PRKDC: variants seen among roughly 807,000 people sequenced by gnomAD.
The protein encoded by PRKDC is protein kinase, DNA-activated, catalytic subunit.
In PRKDC, 82 loss-of-function variants were observed where a neutral mutation model predicts 486.9. The observed-to-expected ratio is 0.17, with a 90% confidence interval of 0.14 to 0.20. PRKDC has a LOEUF of 0.20. Among genes scored for constraint, PRKDC ranks in the 10% least tolerant of loss-of-function variants. The pLI is 1.00. For missense variants in PRKDC, 4,504 were observed against 5,038.2 expected (o/e 0.89, Z 3.21); for synonymous variants, 1,895 against 1,837.0 (o/e 1.03, Z -0.81).
In PRKDC at chr8:47,927,201, G is replaced by A. The variant is rs773679589; in HGVS notation, c.2412C>T (p.Ala804=). The part of the protein sequence containing the change: ...PCLDGYLKTS[A]LSDETKNNWE... The stretch of plus-strand genomic sequence containing the variant: ...AATTCTTCTAAACATTACCTGACAA[G>A]GCTGAAGTCTTCAGGTATCCATCCA... Residue 804 remains alanine (A), a synonymous_variant, in exon 21 of 86, where the codon GCC becomes GCT. Coordinates refer to ENST00000314191, the MANE Select transcript of PRKDC (RefSeq NM_006904.7). 2 of 1,613,398 alleles carry A rather than the reference G, an allele frequency of 1.2e-6. No homozygotes were observed. The highest frequency in any genetic ancestry group is 2.2e-5 in the South Asian group (2 of 91,042).
In PRKDC at chr8:47,887,574, C is replaced by T; in HGVS notation, c.4545G>A (p.Leu1515=). Residue 1515 remains leucine, a synonymous_variant, in exon 35 of 86, where the codon CTG becomes CTA. Transcript: ENST00000314191. ...LSCKQLASGL[L]ELAFAFGGLC... ...GTCCTCCAAAAGCAAAGGCTAACTC[C>T]AGAAGTCCGCTGGCCAGCTGCTTAC... The T allele has an allele frequency of 1.3e-6, 2 of 1,591,728 alleles. No homozygotes were observed. The highest frequency in any genetic ancestry group is 1.7e-6 in the Non-Finnish European group (2 of 1,169,008).
intron 85 of PRKDC, 59 bp from the exon 86 acceptor site, chr8:47,774,436 C>A: frequency 6.6e-7 from 1 of 1,506,672 alleles, no homozygotes. Flanking sequence ...TTGTTGCCTG[C>A]ATCCCTAGTG....
intron 67 of PRKDC, 139 bp from the exon 68 acceptor site, chr8:47,817,700 A>C: frequency 3.5e-6 from 2 of 565,850 alleles, no homozygotes; most frequent in Non-Finnish European, 6.4e-6. Flanking sequence ...AAGGAACACA[A>C]AGTTACCATA....
Position 47,773,522 on chromosome 8 carries a change from AT to A in PRKDC, c.*650del. ...AGCAAAAGTGAATGCTATGACCAAAATTTTTGCCCTCCTAAATAAAGACGTT... is the reference window on the plus strand; with the variant it reads ...AGCAAAAGTGAATGCTATGACCAAAATTTTGCCCTCCTAAATAAAGACGTT... On this transcript the variant is annotated 3_prime_UTR_variant, in exon 86 of 86. Transcript: ENST00000314191. 1 of 220,292 alleles carries A rather than the reference AT, an allele frequency of 4.5e-6. No individual in the cohort carries two copies. The allele number at this position is 220,292 out of a possible 1,614,324, so 13.6% of individuals were successfully genotyped here. A position where few individuals can be genotyped will look rare whatever the true frequency, so the allele number is the denominator to read the frequency against.
At position 47,912,524 on chromosome 8, in the gene PRKDC, A is replaced by G; in HGVS notation, c.2820T>C (p.Phe940=). ...GCATCTGCGTGGCTTTGCCCAACAT[A>G]AACATAACCATGCTATGTAAAAGTT... ...ACELLHSMVM[F]MLGKATQMPE... The change falls in exon 25 of 86, where the codon TTT becomes TTC. Residue 940 remains phenylalanine, a synonymous_variant. Transcript: ENST00000314191. The G allele has an allele frequency of 1.9e-6, 3 of 1,612,912 alleles. No individual in the cohort carries two copies. In the South Asian group the frequency reaches 3.3e-5, roughly 18 times the overall value.
rs1482599945 is a variant in PRKDC at position 47,889,023 on chromosome 8, G to A, written c.4271C>T (p.Thr1424Ile). 1.9e-6 allele frequency: 3 copies of A among 1,613,528 alleles called. No individual in the cohort carries two copies. Among genetic ancestry groups the A allele is most frequent in the Middle Eastern group, 1.7e-4 (1 of 6,048 alleles). ...TGACCCAAGTACCCACCTCTGTGCT[G>A]TTATTTTCTCTCTCAGATGGGTCTC... is the stretch of plus-strand genomic sequence containing the variant. ...ILETHLREKI[T>I]AQSIEELCAV... The change falls in exon 33 of 86, where the codon ACA becomes ATA. Residue 1424 changes from threonine (T) to isoleucine (I), a missense_variant. Transcript: ENST00000314191.
intron 58 of PRKDC, among the ~76,000 whole-genome samples, chr8:47,835,599 T>C (rs1417695256): frequency 3.6e-5 from 4 of 112,332 alleles, no homozygotes; most frequent in Non-Finnish European, 4.9e-5. Flanking sequence ...TCCAGCCTGG[T>C]GACAGAGCAG....
Position 47,839,261 on chromosome 8 carries a change from A to G in PRKDC, c.7455-15T>C. 3 of 1,574,566 alleles carry G rather than the reference A, an allele frequency of 1.9e-6. No homozygotes were observed. The Admixed American group carries it at 5.0e-5, about 26-fold the overall frequency. ...TTTCTGGATCTCTGCTTGAGAAAAC[A>G]GCAAAATGTCACAACATTAATGCTC... On this transcript the variant is annotated splice_polypyrimidine_tract_variant and intron_variant, in intron 55 of 85. Transcript: ENST00000314191.
rs377490227 is a variant in PRKDC, at chr8:47,782,641, G to A, written c.11176-43C>T. 4.4e-4 allele frequency: 672 copies of A among 1,537,330 alleles called. 4 individuals carry two copies. Among genetic ancestry groups the A allele is most frequent in the South Asian group, 1.7e-3 (140 of 83,766 alleles). ...TCATCTCAGGGCACAGGCTAGCCAC[G>A]TGTCAAACTCAGAGGGAAAAGCCAG... On this transcript the variant is annotated intron_variant, in intron 78 of 85. Coordinates refer to ENST00000314191, the MANE Select transcript of PRKDC (RefSeq NM_006904.7). This position sits in a 1 kb window ranked among gnomAD's most constrained non-coding sequence, Gnocchi z 4.9.
intron 30 of PRKDC, among the ~76,000 whole-genome samples, chr8:47,894,515 C>T (rs115081910): frequency 0.01 from 1,583 of 152,310 alleles, 31 homozygotes; most frequent in African/African-American, 0.037. Flanking sequence ...AAGCTGAAGA[C>T]GCAGACAAGC....
chr8:47,851,518 C>G (rs2088402238), intron 52 of PRKDC, among the ~76,000 whole-genome samples: 1 of 152,154 alleles, frequency 6.6e-6, no homozygotes, highest in South Asian at 2.1e-4. Flanking sequence ...AGCACTGGGC[C>G]CACTGGTGCC....
intron 49 of PRKDC, among the ~76,000 whole-genome samples, chr8:47,856,009 G>T (rs1293436684): frequency 6.6e-6 from 1 of 152,116 alleles, no homozygotes; most frequent in Admixed American, 6.5e-5. Flanking sequence ...CCACTCTCTT[G>T]AGTTCAGCTG....
rs1369832974 is a variant in PRKDC, at chr8:47,863,441, G to A, written c.5708C>T (p.Ser1903Leu). The A allele has an allele frequency of 3.1e-6, 5 of 1,610,888 alleles. No individual in the cohort carries two copies. The highest frequency in any genetic ancestry group is 1.7e-5 in the Admixed American group (1 of 59,758). The change falls in exon 42 of 86, where the codon TCG (serine) becomes TTG (leucine). Residue 1903 changes from serine to leucine, a missense_variant. Ser to Leu is a moderately radical substitution (Grantham distance 145). This residue lies in a region of PRKDC where 80 missense variants were observed against 132.3 expected (regional missense o/e 0.60). Coordinates refer to ENST00000314191, the MANE Select transcript of PRKDC (RefSeq NM_006904.7). ...ESKINQVFHGSCITEGNELTK... is the reference protein window; with the variant it reads ...ESKINQVFHGLCITEGNELTK... ...AAGTTCATTTCCTTCTGTAATACAC[G>A]AGCCATGGAAAACTTGATTAATTTT...
chr8:47,794,967 C>T (rs993677914), intron 73 of PRKDC, among the ~76,000 whole-genome samples: 1 of 152,146 alleles, frequency 6.6e-6, no homozygotes, highest in Non-Finnish European at 1.5e-5. Context: ...TGGCTCACTG[C>T]AACCTCCGCC....
chr8:47,946,313 C>A (rs1043046397), intron 7 of PRKDC, among the ~76,000 whole-genome samples: 1 of 151,928 alleles, frequency 6.6e-6, no homozygotes, highest in Non-Finnish European at 1.5e-5. Flanking sequence ...CAAGACTCTG[C>A]CTCAAAAAAA....
chr8:47,940,132 G>GA (rs1426155939), intron 10 of PRKDC, among the ~76,000 whole-genome samples: 3 of 152,106 alleles, frequency 2.0e-5, no homozygotes, highest in South Asian at 4.1e-4. Flanking sequence ...CCCACAGGGT[G>GA]AAAGAGAGCT....
At chr8:47,821,008 T>C (rs1161063362) in intron 65 of PRKDC, 65 bp from the exon 66 acceptor site, 2 of 1,038,324 alleles carry the variant, frequency 1.9e-6, no homozygotes, top group South Asian at 2.3e-5. Context: ...AATTATTTTA[T>C]TTCTATTATA....
Position 47,839,996 on chromosome 8 carries a change from ATAG to A in PRKDC, c.7454+17_7454+19del. 6.7e-7 allele frequency: 1 copy of A among 1,500,114 alleles called. No individual in the cohort carries two copies. Among genetic ancestry groups the A allele is most frequent in the Non-Finnish European group, 9.0e-7 (1 of 1,114,904 alleles). 92.9% of individuals were successfully genotyped at this position (1,500,114 alleles called of 1,614,324 possible). Reference sequence around the variant, plus strand: ...TATCTCAAAAAAGTAACAAAATAAAATAGTCAATGTATAGCTTACCTGTAATTA... The same window carrying A: ...TATCTCAAAAAAGTAACAAAATAAAATCAATGTATAGCTTACCTGTAATTA... On this transcript the variant is annotated intron_variant, in intron 55 of 85. Transcript: ENST00000314191.
chr8:47,841,264 C>G (rs2088136088), intron 54 of PRKDC, among the ~76,000 whole-genome samples: 1 of 152,202 alleles, frequency 6.6e-6, no homozygotes, highest in South Asian at 2.1e-4. Context: ...TGTGGAGCAG[C>G]TCCAGCAAAT....
Sources: allele counts gnomAD v4.1 joint callset (sites outside exome capture counted in the v4.1 genomes callset), GRCh38; gene constraint gnomAD v4.1.1; regional missense constraint gnomAD v4.1.1; non-coding constraint Gnocchi (gnomAD v3.1); transcripts MANE v1.5; gene names NCBI Gene and HGNC (gene_info 2026-07-23, HGNC 2026-07-21).